The following MOSPD2 variants were observed in gnomAD, a reference collection of about 807,000 sequenced individuals.
The protein encoded by MOSPD2 is motile sperm domain-containing protein 2.
In MOSPD2, 5 loss-of-function variants were observed where a neutral mutation model predicts 41.7. The observed-to-expected ratio is 0.12, with a 90% CI of 0.06 to 0.25. The LOEUF (loss-of-function observed/expected upper bound fraction) is 0.25, where lower values mean the gene tolerates loss of function less well. Ranked by LOEUF, MOSPD2 falls within the 10% of genes least tolerant of loss-of-function variation. The pLI, the probability that MOSPD2 is intolerant of heterozygous loss-of-function variation, is 1.00. For synonymous variants in MOSPD2, 115 were observed against 126.9 expected (o/e 0.91, Z 0.63); for missense variants, 282 against 375.2 (o/e 0.75, Z 2.05).
At chrX:14,884,206 A>C (rs2092537114) in intron 2 of MOSPD2, among the ~76,000 whole-genome samples, 1 of 111,964 alleles carries the variant, frequency 8.9e-6, no homozygotes, top group African/African-American at 3.2e-5. Flanking sequence ...TTCACTAATA[A>C]GTAAATAGTA....
chrX:14,914,861 T>C (rs1219097740), intron 11 of MOSPD2, among the ~76,000 whole-genome samples: 1 of 112,234 alleles, frequency 8.9e-6, no homozygotes, highest in Non-Finnish European at 1.9e-5. Flanking sequence ...TTAATGTTTG[T>C]TGTAAATAAC....
At chrX:14,912,022 A>G (rs1295901668) in intron 9 of MOSPD2, among the ~76,000 whole-genome samples, 1 of 112,334 alleles carries the variant, frequency 8.9e-6, no homozygotes, top group East Asian at 2.8e-4. Flanking sequence ...TCCTTTCTCT[A>G]ATTTTTAAAA....
chrX:14,881,411 G>A (rs192394209), intron 2 of MOSPD2, among the ~76,000 whole-genome samples: 7 of 111,036 alleles, frequency 6.3e-5, no homozygotes, highest in African/African-American at 2.0e-4. Flanking sequence ...ACTCCTGTAG[G>A]GTAAAGGGAA....
intron 8 of MOSPD2, among the ~76,000 whole-genome samples, chrX:14,910,813 T>C (rs12851101): frequency 2.7e-5 from 3 of 111,332 alleles, no homozygotes; most frequent in African/African-American, 9.8e-5. Context: ...TTGCATTTCT[T>C]TAATTATAGG....
At position 14,921,126 on chromosome X, in the gene MOSPD2, A is replaced by G; in HGVS notation, c.*1317A>G. 1 of 850,237 alleles carries G rather than the reference A, an allele frequency of 1.2e-6. No homozygotes were observed. Among genetic ancestry groups the G allele is most frequent in the Non-Finnish European group, 1.4e-6 (1 of 700,607 alleles). The allele number at this position is 850,237 out of a possible 1,213,427, so 70.1% of individuals were successfully genotyped here. A position where few individuals can be genotyped will look rare whatever the true frequency, so the allele number is the denominator to read the frequency against. On this transcript the variant is annotated 3_prime_UTR_variant, in exon 15 of 15. Transcript: ENST00000380492. Reference sequence around the variant, plus strand: ...GACCAGTTTGGGTCTATGTTGGTTCACATGTACATCTACTTTATATGAAAG... The same window carrying G: ...GACCAGTTTGGGTCTATGTTGGTTCGCATGTACATCTACTTTATATGAAAG...
At chrX:14,875,540 CAT>C (rs1363921736) in intron 2 of MOSPD2, among the ~76,000 whole-genome samples, 5 of 112,107 alleles carry the variant, frequency 4.5e-5, no homozygotes, top group East Asian at 2.8e-4. Flanking sequence ...CTTCTGAAAA[CAT>C]GTGACTCTCG....
intron 3 of MOSPD2, among the ~76,000 whole-genome samples, chrX:14,894,316 A>ATTTTT (rs759189386): frequency 3.0e-5 from 2 of 66,532 alleles, no homozygotes; most frequent in Admixed American, 1.9e-4. Flanking sequence ...TTATTGATTG[A>ATTTTT]TTTTTTTTTT....
chrX:14,902,851 A>T, intron 6 of MOSPD2, 115 bp from the exon 7 acceptor site: 1 of 522,015 alleles, frequency 1.9e-6, no homozygotes. Flanking sequence ...TAGAGCTCAG[A>T]CAACAAGCTC....
intron 2 of MOSPD2, among the ~76,000 whole-genome samples, chrX:14,882,600 T>C (rs893238103): frequency 8.9e-6 from 1 of 111,872 alleles, no homozygotes; most frequent in African/African-American, 3.2e-5. Flanking sequence ...ACCATAAATA[T>C]AATTTTTGTC....
chrX:14,873,436 C>G lies in MOSPD2; in HGVS notation c.-93C>G. 3.4e-6 allele frequency: 4 copies of G among 1,167,113 alleles called. No individual in the cohort carries two copies. The Admixed American group carries it at 6.5e-5, about 19-fold the overall frequency. ...TCCCCCTCCCACCCTTCTCTGTCTA[C>G]CTCTGGGCGGGACTGCCGGGTGATG... On this transcript the variant is annotated 5_prime_UTR_variant, in exon 1 of 15. Transcript: ENST00000380492.
rs750614137 is a variant in MOSPD2, at chrX:14,919,965, A to G, written c.*156A>G. On this transcript the variant is annotated 3_prime_UTR_variant, in exon 15 of 15. Coordinates refer to ENST00000380492, the MANE Select transcript of MOSPD2 (RefSeq NM_152581.4). The stretch of plus-strand genomic sequence containing the variant: ...GAGGGGAACACATACATGTCTTGAA[A>G]ATAAACTGCTAGAATAAAGAAATGC... 2 of 1,017,210 alleles carry G rather than the reference A, an allele frequency of 2.0e-6. No homozygotes were observed. The highest frequency in any genetic ancestry group is 2.5e-6 in the Non-Finnish European group (2 of 802,352). The allele number at this position is 1,017,210 out of a possible 1,213,427, so 83.8% of individuals were successfully genotyped here. A position where few individuals can be genotyped will look rare whatever the true frequency, so the allele number is the denominator to read the frequency against.
At chrX:14,910,292 C>G (rs1302167780) in intron 8 of MOSPD2, among the ~76,000 whole-genome samples, 1 of 111,258 alleles carries the variant, frequency 9.0e-6, no homozygotes, top group East Asian at 2.8e-4. Flanking sequence ...CAGTCACCAT[C>G]AAGTTTTCTA....
intron 2 of MOSPD2, among the ~76,000 whole-genome samples, chrX:14,891,449 T>C (rs1159713994): frequency 1.1e-4 from 12 of 111,799 alleles, no homozygotes; most frequent in Non-Finnish European, 2.1e-4. Flanking sequence ...CTGAAAATAG[T>C]AAATACCGTA....
Position 14,918,771 on chromosome X carries a change from A to G in MOSPD2, c.1408A>G (p.Ile470Val). The G allele has an allele frequency of 3.5e-6, 4 of 1,143,548 alleles. No individual in the cohort carries two copies. Among genetic ancestry groups the G allele is most frequent in the Non-Finnish European group, 4.8e-6 (4 of 835,403 alleles). The allele number at this position is 1,143,548 out of a possible 1,213,427, so 94.2% of individuals were successfully genotyped here. ...TATGTCAGATAAAACCAGTGAAGAT[A>G]TATGTCTACAAGTAAGTATACTTTC... ...FNMSDKTSED[I>V]CLQLSRLLES... Residue 470 changes from isoleucine to valine, a missense_variant, in exon 14 of 15, where the codon ATA becomes GTA. Ile to Val is a conservative substitution (Grantham distance 29). Around this residue, in one of 3 missense-constraint regions of MOSPD2, gnomAD observed 94 missense variants for 102.1 expected, o/e 0.92. Transcript: ENST00000380492.
chrX:14,879,195 A>G (rs1179709387), intron 2 of MOSPD2, among the ~76,000 whole-genome samples: 1 of 111,368 alleles, frequency 9.0e-6, no homozygotes. Flanking sequence ...ATACCAATTA[A>G]TGGGTTTGGG....
intron 5 of MOSPD2, among the ~76,000 whole-genome samples, chrX:14,899,565 TACACACACACAC>T (rs59555716): frequency 3.1e-4 from 25 of 81,046 alleles, no homozygotes; most frequent in African/African-American, 7.5e-4. Context: ...ATTATATACA[TACACACACACAC>T]ACACACACAC....
intron 2 of MOSPD2, among the ~76,000 whole-genome samples, chrX:14,875,551 C>T (rs1392775737): frequency 1.8e-5 from 2 of 111,955 alleles, no homozygotes; most frequent in Admixed American, 1.9e-4. Context: ...ATGTGACTCT[C>T]GATGTATTTT....
At chrX:14,915,349 G>GA (rs1291274628) in intron 11 of MOSPD2, 1 of 113,363 alleles carries the variant, frequency 8.8e-6, no homozygotes, top group Admixed American at 9.6e-5. Flanking sequence ...TGTTAGTGGG[G>GA]AAAAAATACC....
At position 14,877,662 on chromosome X, in the gene MOSPD2, T is replaced by C. The variant is rs775261505; in HGVS notation, c.79+3904T>C. ...GGCCTACAGTCTTTTTTCTATACAC[T>C]TAAGAAAACAAAGTTAGAAGACTAT... On this transcript the variant is annotated intron_variant, in intron 2 of 14. Coordinates refer to ENST00000380492, the MANE Select transcript of MOSPD2 (RefSeq NM_152581.4). Among the ~76,000 whole-genome samples the C allele has an allele frequency of 8.6e-5, 9 of 104,142 alleles. 1 individual carries two copies. In the South Asian group the frequency reaches 4.6e-3, roughly 54 times the overall value. 90.4% of individuals were successfully genotyped at this position (104,142 alleles called of 115,157 possible).
Sources: gnomAD v4.1 joint callset for allele counts (sites outside exome capture counted in the v4.1 genomes callset) on GRCh38, gnomAD v4.1.1 for gene constraint, gnomAD v4.1.1 regional missense constraint, MANE v1.5 for transcripts, NCBI Gene and HGNC (gene_info 2026-07-23, HGNC 2026-07-21) for gene names.